Variants in AIG1 observed in about 807,000 individuals in gnomAD.
AIG1 encodes the protein androgen-induced gene 1 protein.
Under a neutral mutation model 31.4 loss-of-function variants are expected in AIG1, and 23 were observed. The observed-to-expected ratio is 0.73, with a 90% CI of 0.53 to 1.04. The LOEUF is 1.04. Among genes scored for constraint, AIG1 ranks in the 50% least tolerant of loss-of-function variants. AIG1 has a pLI of 0.00. For synonymous variants in AIG1, 100 were observed against 110.5 expected (o/e 0.90, Z 0.60); for missense variants, 274 against 295.0 (o/e 0.93, Z 0.52).
downstream of AIG1, chr6:143,342,312 A>G (rs563031247): frequency 6.9e-5 from 47 of 681,316 alleles, no homozygotes; most frequent in Middle Eastern, 7.7e-4. Context: ...CCTGGTGCGC[A>G]GCAGCAGCTG....
chr6:143,274,407 A>G (rs970153730), intron 3 of AIG1, among the ~76,000 whole-genome samples: 3 of 152,242 alleles, frequency 2.0e-5, no homozygotes, highest in African/African-American at 7.2e-5. Flanking sequence ...TATCTTGAGA[A>G]TTAAATGAGT....
Position 143,339,791 on chromosome 6 carries a change from C to A in AIG1, c.*115C>A. On this transcript the variant is annotated 3_prime_UTR_variant, in exon 6 of 6. Coordinates refer to ENST00000357847, the MANE Select transcript of AIG1 (RefSeq NM_016108.4). ...AGGAACTTGGTGGCATCAGCACCCC[C>A]CTCCCCCAATGAGGACACCTTTTAT... 1 of 1,032,954 alleles carries A rather than the reference C, an allele frequency of 9.7e-7. No individual in the cohort carries two copies. The highest frequency in any genetic ancestry group is 2.5e-5 in the East Asian group (1 of 40,008). 64.0% of individuals were successfully genotyped at this position (1,032,954 alleles called of 1,614,324 possible). A position where few individuals can be genotyped will look rare whatever the true frequency, so the allele number is the denominator to read the frequency against.
chr6:143,179,093 G>A (rs976843702), intron 3 of AIG1, among the ~76,000 whole-genome samples: 2 of 152,042 alleles, frequency 1.3e-5, no homozygotes, highest in East Asian at 3.9e-4. Context: ...CAAACAAAAG[G>A]TGTGAGGGGA....
At chr6:143,277,816 A>G (rs894874257) in intron 3 of AIG1, among the ~76,000 whole-genome samples, 5 of 152,212 alleles carry the variant, frequency 3.3e-5, no homozygotes, top group African/African-American at 1.2e-4. Context: ...TATTTTGGAG[A>G]GAAGGAGAAA....
At chr6:143,285,752 G>T (rs1797642211) in intron 4 of AIG1, among the ~76,000 whole-genome samples, 1 of 152,064 alleles carries the variant, frequency 6.6e-6, no homozygotes, top group South Asian at 2.1e-4. Flanking sequence ...TACTTTCTAA[G>T]TTTTTTGCCT....
At chr6:143,099,069 A>C (rs1006729701) in intron 1 of AIG1, among the ~76,000 whole-genome samples, 2 of 152,266 alleles carry the variant, frequency 1.3e-5, no homozygotes, top group Non-Finnish European at 2.9e-5. Flanking sequence ...GATCTTGGAA[A>C]CATTTCAGTG....
upstream of AIG1, chr6:143,060,806 C>A (rs1776158154): frequency 3.9e-5 from 5 of 126,658 alleles, no homozygotes; most frequent in South Asian, 1.3e-3. Flanking sequence ...CCGCCCCCGC[C>A]CCGCCCCGCC....
chr6:143,082,415 T>C (rs1351065039), intron 1 of AIG1, among the ~76,000 whole-genome samples: 2 of 152,236 alleles, frequency 1.3e-5, no homozygotes, highest in Non-Finnish European at 2.9e-5. Flanking sequence ...ATGTTCTATT[T>C]TTTCTTCATT....
At chr6:143,305,874 G>T (rs1351358242) in intron 4 of AIG1, among the ~76,000 whole-genome samples, 1 of 152,002 alleles carries the variant, frequency 6.6e-6, no homozygotes, top group African/African-American at 2.4e-5. Flanking sequence ...CTCTTTGTAG[G>T]TCACTCAGGA....
intron 3 of AIG1, among the ~76,000 whole-genome samples, chr6:143,240,779 G>T (rs1443934459): frequency 6.6e-6 from 1 of 151,988 alleles, no homozygotes; most frequent in Non-Finnish European, 1.5e-5. Flanking sequence ...TTTTTTATTG[G>T]ATTCAATGGG....
chr6:143,182,174 C>A (rs1259415624), intron 3 of AIG1, among the ~76,000 whole-genome samples: 1 of 152,106 alleles, frequency 6.6e-6, no homozygotes, highest in African/African-American at 2.4e-5. Flanking sequence ...TACAGGCACA[C>A]CCCACCATGC....
Position 143,165,116 on chromosome 6 carries a change from A to G in AIG1, c.332A>G (p.Tyr111Cys), listed in dbSNP as rs1416845029. 6.8e-6 allele frequency: 11 copies of G among 1,613,592 alleles called. No homozygotes were observed. The highest frequency in any genetic ancestry group is 2.2e-5 in the East Asian group (1 of 44,870). The change falls in exon 3 of 6, where the codon TAT becomes TGT. Residue 111 changes from tyrosine (Y) to cysteine (C), a missense_variant. Tyr to Cys is a radical substitution (Grantham distance 194, BLOSUM62 -2). This residue lies in a region of AIG1 where 243 missense variants were observed against 238.5 expected (regional missense o/e 1.02). Transcript: ENST00000357847. ...GCAGTGTTCTGGATCATTTATGCCT[A>G]TGACAGAGAGATGATATACCCGAAG... ...VVAVFWIIYA[Y>C]DREMIYPKLL...
intron 3 of AIG1, among the ~76,000 whole-genome samples, chr6:143,265,942 C>A (rs1015191643): frequency 6.6e-6 from 1 of 152,224 alleles, no homozygotes; most frequent in South Asian, 2.1e-4. Flanking sequence ...CTAGCCCCTA[C>A]CATGCCACAG....
intron 1 of AIG1, among the ~76,000 whole-genome samples, chr6:143,132,026 G>A (rs1218291387): frequency 2.0e-5 from 3 of 152,130 alleles, no homozygotes; most frequent in Non-Finnish European, 4.4e-5. Flanking sequence ...TGTAATGTAA[G>A]AACCTTACAA....
chr6:143,313,640 T>C (rs1775493186), intron 4 of AIG1, among the ~76,000 whole-genome samples: 1 of 151,950 alleles, frequency 6.6e-6, no homozygotes, highest in Non-Finnish European at 1.5e-5. Flanking sequence ...TAGTATTTGA[T>C]ATCAATAAAA....
chr6:143,243,741 T>C (rs981788763), intron 3 of AIG1, among the ~76,000 whole-genome samples: 3 of 152,248 alleles, frequency 2.0e-5, no homozygotes, highest in African/African-American at 7.2e-5. Flanking sequence ...CACCTGGTTA[T>C]GGTTCAGAAG....
intron 3 of AIG1, among the ~76,000 whole-genome samples, chr6:143,196,167 T>G (rs1266730740): frequency 6.6e-6 from 1 of 152,172 alleles, no homozygotes. Flanking sequence ...AGAATAATCC[T>G]TTTCTATATT....
chr6:143,100,846 G>A (rs1214061460), intron 1 of AIG1, among the ~76,000 whole-genome samples: 8 of 151,834 alleles, frequency 5.3e-5, no homozygotes, highest in Admixed American at 3.3e-4. Flanking sequence ...CACTACACCC[G>A]GCTAATTTTT....
At chr6:143,196,353 A>ACACG (rs891458723) in intron 3 of AIG1, among the ~76,000 whole-genome samples, 466 of 25,070 alleles carry the variant, frequency 0.019, 4 homozygotes, top group African/African-American at 0.052. Context: ...CAAAAGCAAC[A>ACACG]CACACACACA....
Sources: gnomAD v4.1 joint callset for allele counts (sites outside exome capture counted in the v4.1 genomes callset) on GRCh38, gnomAD v4.1.1 for gene constraint, gnomAD v4.1.1 regional missense constraint, MANE v1.5 for transcripts, NCBI Gene and HGNC (gene_info 2026-07-23, HGNC 2026-07-21) for gene names.